DCLK1: variants seen among roughly 807,000 people sequenced by gnomAD.
The protein encoded by DCLK1 is serine/threonine-protein kinase DCLK1.
In DCLK1, 16 loss-of-function variants were observed where a neutral mutation model predicts 86.2. The ratio of observed to expected loss-of-function variants is 0.19; its 90% CI spans 0.13 to 0.28. DCLK1 has a LOEUF of 0.28. Among genes scored for constraint, DCLK1 ranks in the 10% least tolerant of loss-of-function variants. The pLI, the probability that DCLK1 is intolerant of heterozygous loss-of-function variation, is 1.00. For synonymous variants in DCLK1, 369 were observed against 370.5 expected (o/e 1.00, Z 0.05); for missense variants, 590 against 940.2 (o/e 0.63, Z 4.87).
chr13:35,918,929 CTCTG>C (rs1239896925), intron 4 of DCLK1, among the ~76,000 whole-genome samples: 1 of 78,226 alleles, frequency 1.3e-5, no homozygotes, highest in Non-Finnish European at 2.6e-5. Context: ...GTCTCACTCA[CTCTG>C]TCTGCTGCCC....
At position 35,855,920 on chromosome 13, in the gene DCLK1, C is replaced by T. The variant is rs533577494; in HGVS notation, c.941-1327G>A. On this transcript the variant is annotated intron_variant, in intron 5 of 16. Transcript: ENST00000360631. ...GAAAATCGAAATGACAATAACTCTT[C>T]TAAAGCCTGGTGACTACCAGGTAAT... is the stretch of plus-strand genomic sequence containing the variant. 18 of 965,696 alleles carry T rather than the reference C, an allele frequency of 1.9e-5. No homozygotes were observed. The South Asian group carries it at 8.8e-4, about 47-fold the overall frequency. 59.8% of individuals were successfully genotyped at this position (965,696 alleles called of 1,614,324 possible). A position where few individuals can be genotyped will look rare whatever the true frequency, so the allele number is the denominator to read the frequency against.
intron 3 of DCLK1, among the ~76,000 whole-genome samples, chr13:36,075,480 C>T (rs1359580849): frequency 4.6e-5 from 7 of 152,078 alleles, no homozygotes; most frequent in Non-Finnish European, 7.4e-5. Flanking sequence ...TCAGATGCCA[C>T]CAACTGCCTT....
At chr13:35,798,729 A>G (rs1566538053) in intron 15 of DCLK1, among the ~76,000 whole-genome samples, 1 of 152,240 alleles carries the variant, frequency 6.6e-6, no homozygotes, top group South Asian at 2.1e-4. Context: ...AAAATTTGTG[A>G]ATATCAATAA....
intron 3 of DCLK1, among the ~76,000 whole-genome samples, chr13:36,017,279 T>C (rs113872998): frequency 1.6e-4 from 25 of 152,294 alleles, no homozygotes; most frequent in African/African-American, 5.5e-4. Context: ...GAAGTGATCA[T>C]ATCCTTAAAT....
chr13:35,846,216 T>G (rs1007466587), intron 6 of DCLK1: 4 of 985,178 alleles, frequency 4.1e-6, no homozygotes, highest in Non-Finnish European at 4.8e-6. Flanking sequence ...GCAGAAAGTA[T>G]GTAACCTCTT....
At chr13:36,015,981 A>G (rs17053336) in intron 3 of DCLK1, among the ~76,000 whole-genome samples, 6,091 of 152,298 alleles carry the variant, frequency 0.04, 540 homozygotes, top group East Asian at 0.29. Flanking sequence ...CTCAGTGGCT[A>G]GGACATCGAA....
intron 3 of DCLK1, among the ~76,000 whole-genome samples, chr13:36,088,132 T>C (rs995872195): frequency 6.6e-6 from 1 of 152,172 alleles, no homozygotes; most frequent in Non-Finnish European, 1.5e-5. Context: ...ATCCTAGTGG[T>C]TATGCAAAGG....
At chr13:36,117,572 T>C (rs915661845) in intron 2 of DCLK1, among the ~76,000 whole-genome samples, 6 of 152,174 alleles carry the variant, frequency 3.9e-5, no homozygotes, top group Non-Finnish European at 8.8e-5. Context: ...CATGGAAAAC[T>C]ACTTGGAGCC....
chr13:35,974,901 G>A (rs1312420387), intron 3 of DCLK1, among the ~76,000 whole-genome samples: 1 of 152,222 alleles, frequency 6.6e-6, no homozygotes, highest in Non-Finnish European at 1.5e-5. Flanking sequence ...CACCCAGTAT[G>A]TGGTACTTTG....
intron 4 of DCLK1, among the ~76,000 whole-genome samples, chr13:35,927,284 A>G (rs1876176359): frequency 6.6e-6 from 1 of 152,266 alleles, no homozygotes; most frequent in East Asian, 1.9e-4. Context: ...GAATCATGCC[A>G]TAAGTCCATC....
At chr13:35,974,417 A>G (rs1237939531) in intron 3 of DCLK1, among the ~76,000 whole-genome samples, 2 of 152,232 alleles carry the variant, frequency 1.3e-5, no homozygotes, top group Non-Finnish European at 2.9e-5. Context: ...CTGCAAGCCT[A>G]GGAGAGAGGC....
In DCLK1 at chr13:36,122,039, C is replaced by T. The variant is rs533624041; in HGVS notation, c.376+3723G>A. 1.2e-3 allele frequency among the ~76,000 whole-genome samples: 181 copies of T among 152,218 alleles called. 1 individual carries two copies. The highest frequency in any genetic ancestry group is 4.2e-3 in the African/African-American group (174 of 41,508). ...ATTTTAGGAAGAGCAAATTTTATAT[C>T]TATTCAAAAATTAATTTTAAAAAAT... On this transcript the variant is annotated intron_variant, in intron 2 of 16. Coordinates refer to ENST00000360631, the MANE Select transcript of DCLK1 (RefSeq NM_001330071.2).
intron 5 of DCLK1, chr13:35,855,548 G>A (rs761261481): frequency 6.2e-7 from 1 of 1,602,660 alleles, no homozygotes; most frequent in South Asian, 1.1e-5. Flanking sequence ...CTTAGTGTTG[G>A]ACCTGAATAC....
chr13:35,919,111 C>T (rs919150575), intron 4 of DCLK1, among the ~76,000 whole-genome samples: 5 of 151,856 alleles, frequency 3.3e-5, no homozygotes, highest in Admixed American at 1.3e-4. Flanking sequence ...AGGCTGGTCT[C>T]GAACTCCTGA....
chr13:36,076,430 T>G (rs1593868778), intron 3 of DCLK1, among the ~76,000 whole-genome samples: 1 of 152,194 alleles, frequency 6.6e-6, no homozygotes, highest in African/African-American at 2.4e-5. Flanking sequence ...CAAAAATAAC[T>G]TGAGAATTAA....
intron 4 of DCLK1, among the ~76,000 whole-genome samples, chr13:35,902,227 A>G (rs1322669384): frequency 1.3e-5 from 2 of 152,214 alleles, no homozygotes; most frequent in African/African-American, 4.8e-5. Context: ...AAAGTTTTGG[A>G]GCCAAGGGTG....
chr13:35,966,794 G>A (rs923223763), intron 3 of DCLK1, among the ~76,000 whole-genome samples: 13 of 151,946 alleles, frequency 8.6e-5, no homozygotes, highest in African/African-American at 1.9e-4. Flanking sequence ...ACGGAGTCTC[G>A]CTCACTCAGC....
chr13:35,860,164 G>A (rs1485603293), intron 5 of DCLK1, among the ~76,000 whole-genome samples: 1 of 152,138 alleles, frequency 6.6e-6, no homozygotes, highest in Non-Finnish European at 1.5e-5. Context: ...TTTGGGGGTG[G>A]CGATTCAGGC....
chr13:36,015,026 CT>C (rs1566646558), intron 3 of DCLK1, among the ~76,000 whole-genome samples: 3 of 151,636 alleles, frequency 2.0e-5, no homozygotes, highest in South Asian at 2.1e-4. Flanking sequence ...CTCTCTCTCT[CT>C]CTCCCTATCC....
Sources: allele counts gnomAD v4.1 joint callset (sites outside exome capture counted in the v4.1 genomes callset), GRCh38; gene constraint gnomAD v4.1.1; transcripts MANE v1.5; gene names NCBI Gene and HGNC (gene_info 2026-07-23, HGNC 2026-07-21).